The following ENDOD1 variants were observed in gnomAD, a reference collection of about 807,000 sequenced individuals.
ENDOD1 encodes endonuclease domain-containing 1 protein.
In ENDOD1, 9 loss-of-function variants were observed where a neutral mutation model predicts 6.5. The observed-to-expected ratio is 1.39, with a 90% CI of 0.84 to 2.43. The LOEUF (loss-of-function observed/expected upper bound fraction) is 2.43. ENDOD1 is among the 30% of genes most tolerant of loss of function. ENDOD1 has a pLI of 0.00. For synonymous variants in ENDOD1, 255 were observed against 255.2 expected, an observed-to-expected ratio of 1.00 and a Z score of 0.01; for missense variants, 648 against 635.5, an observed-to-expected ratio of 1.02 and a Z score of -0.21.
chr11:95,107,878 A>G (rs1181115997), intron 1 of ENDOD1, among the ~76,000 whole-genome samples: 1 of 152,054 alleles, frequency 6.6e-6, no homozygotes, highest in African/African-American at 2.4e-5. Flanking sequence ...CGTGTTAGCC[A>G]GGATGATCTC....
At position 95,090,055 on chromosome 11, in the gene ENDOD1, C is replaced by T. The variant is rs1165837982; in HGVS notation, c.128C>T (p.Pro43Leu). ...ECDKFFYAGT[P>L]PAGLAADSHV... ...GACAAGTTCTTCTACGCCGGGACCC[C>T]GCCTGCGGGGCTGGCGGCCGATTCC... Residue 43 changes from proline (P) to leucine (L), a missense_variant, in exon 1 of 2, where the codon CCG (proline) becomes CTG (leucine). Pro to Leu is a moderately conservative substitution (Grantham distance 98, BLOSUM62 -3). Coordinates refer to ENST00000278505, the MANE Select transcript of ENDOD1 (RefSeq NM_015036.3). The T allele has an allele frequency of 1.2e-6, 2 of 1,602,890 alleles. No homozygotes were observed. The highest frequency in any genetic ancestry group is 1.1e-5 in the South Asian group (1 of 88,866).
rs73528775 is a variant in ENDOD1 at position 95,121,958 on chromosome 11, A to G, written c.301-6419A>G. ...CCCTATATTTAGAGATTCCACTGGG[A>G]TACTAAAGAGGAAGATCAGTGGTGT... On this transcript the variant is annotated intron_variant, in intron 1 of 1. Coordinates refer to ENST00000278505, the MANE Select transcript of ENDOD1 (RefSeq NM_015036.3). 4.8e-3 allele frequency among the ~76,000 whole-genome samples: 737 copies of G among 152,306 alleles called. 7 individuals are homozygous for G. The highest frequency in any genetic ancestry group is 0.016 in the African/African-American group (675 of 41,554).
At chr11:95,124,349 G>T (rs1859291252) in intron 1 of ENDOD1, among the ~76,000 whole-genome samples, 1 of 152,178 alleles carries the variant, frequency 6.6e-6, no homozygotes, top group African/African-American at 2.4e-5. Context: ...TAAATTGGTA[G>T]TTCAAAAAAT....
Position 95,129,229 on chromosome 11 carries a change from TC to T in ENDOD1, c.1154del (p.Ser385TyrfsTer11). On this transcript the variant is annotated frameshift_variant, in exon 2 of 2. Transcript: ENST00000278505. LOFTEE classifies it low-confidence loss of function (END_TRUNC). ...CLYRLGSATI[S>X]YFMAIGEELV... Reference sequence around the variant, plus strand: ...TTACCGCCTGGGCTCAGCCACCATCTCATACTTCATGGCCATTGGGGAAGAG... The same window carrying T: ...TTACCGCCTGGGCTCAGCCACCATCTATACTTCATGGCCATTGGGGAAGAG... 1.2e-6 allele frequency: 2 copies of T among 1,614,220 alleles called. No homozygotes were observed. The highest frequency in any genetic ancestry group is 1.7e-6 in the Non-Finnish European group (2 of 1,180,040).
chr11:95,097,930 A>G (rs1859002247), intron 1 of ENDOD1, among the ~76,000 whole-genome samples: 1 of 152,188 alleles, frequency 6.6e-6, no homozygotes, highest in East Asian at 1.9e-4. Flanking sequence ...AAGAGCAAGA[A>G]TATAATACTG....
At chr11:95,100,996 A>G (rs1195154107) in intron 1 of ENDOD1, among the ~76,000 whole-genome samples, 3 of 150,594 alleles carry the variant, frequency 2.0e-5, no homozygotes, top group Admixed American at 1.3e-4. Flanking sequence ...TTGTGTGACT[A>G]ATTGAGTGGC....
At chr11:95,118,761 T>C (rs1225695662) in intron 1 of ENDOD1, among the ~76,000 whole-genome samples, 1 of 152,244 alleles carries the variant, frequency 6.6e-6, no homozygotes, top group Admixed American at 6.5e-5. Flanking sequence ...TCTATCTCTT[T>C]CTCTACATCC....
At chr11:95,116,163 C>T (rs1555112471) in intron 1 of ENDOD1, among the ~76,000 whole-genome samples, 2 of 152,118 alleles carry the variant, frequency 1.3e-5, no homozygotes, top group African/African-American at 4.8e-5. Flanking sequence ...GCTTCGATCT[C>T]ATTACTTGTT....
intron 1 of ENDOD1, among the ~76,000 whole-genome samples, chr11:95,125,113 G>A (rs1361735548): frequency 2.0e-5 from 3 of 151,822 alleles, no homozygotes; most frequent in South Asian, 2.1e-4. Context: ...CTGTAGGCAC[G>A]TTTCACCCTT....
At chr11:95,113,524 T>C (rs139084920) in intron 1 of ENDOD1, among the ~76,000 whole-genome samples, 25 of 152,310 alleles carry the variant, frequency 1.6e-4, no homozygotes, top group Admixed American at 7.2e-4. Context: ...GCTGGCTTAT[T>C]TCACTTAATG....
chr11:95,097,564 A>G (rs1858998750), intron 1 of ENDOD1, among the ~76,000 whole-genome samples: 1 of 152,156 alleles, frequency 6.6e-6, no homozygotes, highest in African/African-American at 2.4e-5. Context: ...GTGGGAAGCA[A>G]TTGTGCAGGG....
chr11:95,131,198 C>T lies in ENDOD1; in HGVS notation c.*1619C>T, dbSNP rs1859367528. The T allele has an allele frequency of 6.6e-6, 1 of 152,198 alleles. No individual in the cohort carries two copies. The highest frequency in any genetic ancestry group is 2.4e-5 in the African/African-American group (1 of 41,426). The allele number at this position is 152,198 out of a possible 1,614,324, so 9.4% of individuals were successfully genotyped here. On this transcript the variant is annotated 3_prime_UTR_variant, in exon 2 of 2. Coordinates refer to ENST00000278505, the MANE Select transcript of ENDOD1 (RefSeq NM_015036.3). Reference sequence around the variant, plus strand: ...TAGGGAGTATGAGCACCGCATGGGTCCATGCTAGGGAGATGTGCACCAGGC... The same window carrying T: ...TAGGGAGTATGAGCACCGCATGGGTTCATGCTAGGGAGATGTGCACCAGGC...
chr11:95,104,282 A>G (rs1264361638), intron 1 of ENDOD1, among the ~76,000 whole-genome samples: 3 of 152,038 alleles, frequency 2.0e-5, no homozygotes, highest in Admixed American at 2.0e-4. Context: ...CCCCGTCTCT[A>G]CTAAAAATAG....
Position 95,090,191 on chromosome 11 carries a change from C to G in ENDOD1, c.264C>G (p.Pro88=). 7.0e-7 allele frequency: 1 copy of G among 1,418,486 alleles called. No homozygotes were observed. Among genetic ancestry groups the G allele is most frequent in the African/African-American group, 1.5e-5 (1 of 67,706 alleles). 87.9% of individuals were successfully genotyped at this position (1,418,486 alleles called of 1,614,324 possible). Residue 88 remains proline, a synonymous_variant, in exon 1 of 2, where the codon CCC becomes CCG. Transcript: ENST00000278505. ...YSAFRAPRPA[P]GGAEQRWLVE... ...CGTTCCGCGCCCCGCGCCCTGCGCC[C>G]GGCGGCGCCGAGCAGCGATGGCTGG...
chr11:95,099,624 G>T (rs1294666982), intron 1 of ENDOD1, among the ~76,000 whole-genome samples: 3 of 152,218 alleles, frequency 2.0e-5, no homozygotes, highest in Non-Finnish European at 4.4e-5. Flanking sequence ...GTCCTACTTT[G>T]GGACAAGAGG....
At chr11:95,118,866 C>A (rs529146057) in intron 1 of ENDOD1, among the ~76,000 whole-genome samples, 1 of 152,094 alleles carries the variant, frequency 6.6e-6, no homozygotes, top group East Asian at 1.9e-4. Context: ...TTTCTTTTGT[C>A]TCTTGTTACT....
intron 1 of ENDOD1, 45 bp downstream of exon 1, chr11:95,090,272 G>C (rs958538447): frequency 2.0e-5 from 27 of 1,356,222 alleles, no homozygotes; most frequent in Non-Finnish European, 2.6e-5. Context: ...GCCGGAGACC[G>C]TGCCGCTGGA....
chr11:95,094,753 A>C lies in ENDOD1; in HGVS notation c.300+4526A>C, dbSNP rs1053123566. 3.3e-5 allele frequency among the ~76,000 whole-genome samples: 5 copies of C among 152,356 alleles called. No individual in the cohort carries two copies. In the East Asian group the frequency reaches 9.6e-4, roughly 29 times the overall value. ...AGAACAGATATATAGAGCATCATACACTTAAATCTCTGTGTAAGGAATGCA... is the reference window on the plus strand; with the variant it reads ...AGAACAGATATATAGAGCATCATACCCTTAAATCTCTGTGTAAGGAATGCA... On this transcript the variant is annotated intron_variant, in intron 1 of 1. Transcript: ENST00000278505.
At chr11:95,118,158 G>T (rs984097629) in intron 1 of ENDOD1, among the ~76,000 whole-genome samples, 1 of 152,012 alleles carries the variant, frequency 6.6e-6, no homozygotes, top group Admixed American at 6.6e-5. Flanking sequence ...GGTTTTTGAC[G>T]GGTTCATCAT....
Sources: allele counts gnomAD v4.1 joint callset (sites outside exome capture counted in the v4.1 genomes callset), GRCh38; gene constraint gnomAD v4.1.1; transcripts MANE v1.5; gene names NCBI Gene and HGNC (gene_info 2026-07-23, HGNC 2026-07-21).